The following MAP3K9 variants were observed in gnomAD, a reference collection of about 807,000 sequenced individuals.
MAP3K9 encodes mitogen-activated protein kinase kinase kinase 9.
Under a neutral mutation model 95.8 loss-of-function variants are expected in MAP3K9, and 46 were observed. The observed-to-expected ratio is 0.48, with a 90% CI of 0.38 to 0.61. The LOEUF is 0.61. Ranked by LOEUF, MAP3K9 falls within the 20% of genes least tolerant of loss-of-function variation. The pLI is 0.00. For missense variants in MAP3K9, 1,296 were observed against 1,474.3 expected, an observed-to-expected ratio of 0.88 and a Z score of 1.98; for synonymous variants, 533 against 593.8, an observed-to-expected ratio of 0.90 and a Z score of 1.49.
chr14:70,744,199 T>TGG (rs1182776124), intron 5 of MAP3K9, among the ~76,000 whole-genome samples: 1 of 151,036 alleles, frequency 6.6e-6, no homozygotes, highest in Non-Finnish European at 1.5e-5. Flanking sequence ...CCTGTGGGAG[T>TGG]GGGGGGCTAG....
chr14:70,745,050 T>C (rs2054126624), intron 5 of MAP3K9, among the ~76,000 whole-genome samples: 1 of 152,126 alleles, frequency 6.6e-6, no homozygotes, highest in Admixed American at 6.6e-5. Context: ...AAAGCATGCC[T>C]ACAAAATTTT....
chr14:70,739,546 AT>A (rs955521795), intron 7 of MAP3K9, among the ~76,000 whole-genome samples: 2 of 151,224 alleles, frequency 1.3e-5, no homozygotes, highest in African/African-American at 4.9e-5. Flanking sequence ...ATGTGTGAGT[AT>A]TTTTTTTAAG....
At chr14:70,774,127 C>A (rs966566182) in intron 2 of MAP3K9, among the ~76,000 whole-genome samples, 1 of 152,132 alleles carries the variant, frequency 6.6e-6, no homozygotes, top group African/African-American at 2.4e-5. Flanking sequence ...TTGATTTAAA[C>A]CTTTCAAAAA....
intron 9 of MAP3K9, 80 bp from the exon 10 acceptor site, chr14:70,734,578 C>G (rs550216906): frequency 3.9e-6 from 3 of 775,594 alleles, no homozygotes; most frequent in Non-Finnish European, 4.4e-6. Flanking sequence ...TCTATGGAGA[C>G]GTTTCTCCCT....
chr14:70,757,584 G>C (rs1263104073), intron 3 of MAP3K9, among the ~76,000 whole-genome samples: 1 of 151,884 alleles, frequency 6.6e-6, no homozygotes, highest in Non-Finnish European at 1.5e-5. Context: ...AAATGCAAAG[G>C]ACTCAGAATG....
At chr14:70,753,215 T>C (rs2054253734) in intron 3 of MAP3K9, among the ~76,000 whole-genome samples, 2 of 152,128 alleles carry the variant, frequency 1.3e-5, no homozygotes, top group South Asian at 2.1e-4. Flanking sequence ...CTAACCCTCA[T>C]CCAGAAATTA....
intron 1 of MAP3K9, among the ~76,000 whole-genome samples, chr14:70,801,400 TC>T (rs1436115294): frequency 1.3e-5 from 2 of 152,216 alleles, no homozygotes; most frequent in Non-Finnish European, 2.9e-5. Context: ...TCCTTTTTTT[TC>T]TTTTCTTTCT....
Position 70,784,385 on chromosome 14 carries a change from G to A in MAP3K9, c.820+16282C>T, listed in dbSNP as rs575343966. 9.2e-5 allele frequency among the ~76,000 whole-genome samples: 14 copies of A among 152,218 alleles called. No individual in the cohort carries two copies. In the South Asian group the frequency reaches 1.0e-3, roughly 11 times the overall value. ...AGCCCAATAACATGGAAGCTTCTGCGATGGCCCAACTTCTGGACAGCTGTA... is the reference window on the plus strand; with the variant it reads ...AGCCCAATAACATGGAAGCTTCTGCAATGGCCCAACTTCTGGACAGCTGTA... On this transcript the variant is annotated intron_variant, in intron 2 of 11. Transcript: ENST00000554752.
chr14:70,729,665 C>T lies in MAP3K9; in HGVS notation c.*715G>A, dbSNP rs1486093539. 1 of 152,286 alleles carries T rather than the reference C, an allele frequency of 6.6e-6. No homozygotes were observed. The highest frequency in any genetic ancestry group is 1.5e-5 in the Non-Finnish European group (1 of 68,074). The allele number at this position is 152,286 out of a possible 1,614,324, so 9.4% of individuals were successfully genotyped here. On this transcript the variant is annotated 3_prime_UTR_variant, in exon 12 of 12. Transcript: ENST00000554752. ...GAACAAGGACATACTTCATGAACCT[C>T]TTCATTGCAACTTTACTGTATTTTT...
chr14:70,748,812 T>C lies in MAP3K9; in HGVS notation c.1326+17A>G. 6.3e-7 allele frequency: 1 copy of C among 1,582,282 alleles called. No homozygotes were observed. Among genetic ancestry groups the C allele is most frequent in the Non-Finnish European group, 8.6e-7 (1 of 1,168,758 alleles). ...TCTTTTCGTTCGTTTTTTTGTTGTTTTTTTTGTTTTGTTTACCTTTTCTTT... is the reference window on the plus strand; with the variant it reads ...TCTTTTCGTTCGTTTTTTTGTTGTTCTTTTTGTTTTGTTTACCTTTTCTTT... On this transcript the variant is annotated intron_variant, in intron 5 of 11. Coordinates refer to ENST00000554752, the MANE Select transcript of MAP3K9 (RefSeq NM_001284230.2).
Position 70,761,145 on chromosome 14 carries a change from G to A in MAP3K9, c.858C>T (p.Ser286=), listed in dbSNP as rs780232704. ...ILQKVENGDL[S]NKILKITDFG... The stretch of plus-strand genomic sequence containing the variant: ...AATCAGTGATCTTCAGAATCTTGTT[G>A]CTCAGGTCTCCATTCTCCACCTTCT... The change falls in exon 3 of 12, where the codon AGC becomes AGT. Residue 286 remains serine, a synonymous_variant. Transcript: ENST00000554752. The A allele has an allele frequency of 1.9e-6, 3 of 1,613,924 alleles. No homozygotes were observed. The highest frequency in any genetic ancestry group is 2.7e-5 in the African/African-American group (2 of 74,892).
At chr14:70,740,851 T>C (rs557858877) in intron 6 of MAP3K9, among the ~76,000 whole-genome samples, 1 of 152,366 alleles carries the variant, frequency 6.6e-6, no homozygotes. Flanking sequence ...AGCTTTTCTA[T>C]CTGCATCCTG....
At chr14:70,799,622 A>G (rs541971863) in intron 2 of MAP3K9, among the ~76,000 whole-genome samples, 1 of 152,334 alleles carries the variant, frequency 6.6e-6, no homozygotes, top group South Asian at 2.1e-4. Context: ...TACAGGCGTG[A>G]GCCACCGCGC....
intron 3 of MAP3K9, among the ~76,000 whole-genome samples, chr14:70,759,551 T>C (rs1007662165): frequency 5.9e-5 from 9 of 152,220 alleles, no homozygotes; most frequent in Admixed American, 6.5e-5. Flanking sequence ...GAATCCTTAT[T>C]TGAGTCATTA....
intron 2 of MAP3K9, among the ~76,000 whole-genome samples, chr14:70,781,394 G>T (rs2054674256): frequency 6.6e-6 from 1 of 152,214 alleles, no homozygotes; most frequent in Admixed American, 6.5e-5. Context: ...TCCATCTGCA[G>T]CCTCCCCTAG....
chr14:70,797,159 T>C (rs893944630), intron 2 of MAP3K9, among the ~76,000 whole-genome samples: 1 of 152,240 alleles, frequency 6.6e-6, no homozygotes, highest in African/African-American at 2.4e-5. Context: ...ACAGCTCCTG[T>C]GTATACATAC....
intron 2 of MAP3K9, among the ~76,000 whole-genome samples, chr14:70,799,091 C>T (rs2054899402): frequency 6.6e-6 from 1 of 152,216 alleles, no homozygotes; most frequent in African/African-American, 2.4e-5. Context: ...GTTGTTCTCT[C>T]TAAAGGGAAA....
At chr14:70,765,371 C>T in intron 2 of MAP3K9, 1 of 486,624 alleles carries the variant, frequency 2.1e-6, no homozygotes, top group Non-Finnish European at 3.7e-6. Flanking sequence ...CCTAAGTGTA[C>T]AGTGTTTATA....
At chr14:70,742,321 C>G (rs1331543346) in intron 6 of MAP3K9, 30 bp downstream of exon 6, 2 of 1,606,104 alleles carry the variant, frequency 1.2e-6, no homozygotes, top group African/African-American at 2.7e-5. Context: ...TGCCCTGCTC[C>G]CACTTCCCAG....
Sources: allele counts gnomAD v4.1 joint callset (sites outside exome capture counted in the v4.1 genomes callset), GRCh38; gene constraint gnomAD v4.1.1; transcripts MANE v1.5; gene names NCBI Gene and HGNC (gene_info 2026-07-23, HGNC 2026-07-21).